POU2AF2: variants seen among roughly 807,000 people sequenced by gnomAD.
POU2AF2 encodes POU class 2 homeobox associating factor 2, also known as POU domain class 2-associating factor 2.
At chr11:111,270,702 G>A in the POU2AF2 span, among the ~76,000 whole-genome samples, 1 of 152,160 alleles carries the variant, frequency 6.6e-6, no homozygotes, top group African/African-American at 2.4e-5. Context: ...GGTATCAGCA[G>A]TAAGGTTGGT....
At chr11:111,257,999 T>C in the POU2AF2 span, among the ~76,000 whole-genome samples, 6,426 of 152,260 alleles carry the variant, frequency 0.042, 357 homozygotes, top group East Asian at 0.27. Flanking sequence ...ATGCCTGTAA[T>C]GTCAGCTACT....
At chr11:111,285,558 C>G in the POU2AF2 span, 2 of 1,380,970 alleles carry the variant, frequency 1.4e-6, no homozygotes, top group African/African-American at 3.0e-5. Context: ...AGAGAGGGGA[C>G]GAAGGCTGCC....
At chr11:111,252,622 A>T in the POU2AF2 span, among the ~76,000 whole-genome samples, 1 of 151,928 alleles carries the variant, frequency 6.6e-6, no homozygotes, top group East Asian at 2.0e-4. Context: ...CAGTCTCAGA[A>T]GTTGAGGGTC....
the POU2AF2 span, among the ~76,000 whole-genome samples, chr11:111,260,812 C>T: frequency 6.6e-6 from 1 of 152,214 alleles, no homozygotes; most frequent in African/African-American, 2.4e-5. Context: ...AAAACTAATA[C>T]TCACATATTC....
chr11:111,259,093 T>C, the POU2AF2 span, among the ~76,000 whole-genome samples: 4 of 152,168 alleles, frequency 2.6e-5, no homozygotes, highest in African/African-American at 9.7e-5. Flanking sequence ...CCAGGCAGCA[T>C]AGACATGTAA....
chr11:111,271,677 G>C, the POU2AF2 span, among the ~76,000 whole-genome samples: 1 of 152,280 alleles, frequency 6.6e-6, no homozygotes, highest in Middle Eastern at 3.4e-3. Context: ...CCCTGCCTCT[G>C]CTTCCCAAAA....
At chr11:111,250,917 C>A in the POU2AF2 span, among the ~76,000 whole-genome samples, 1 of 152,116 alleles carries the variant, frequency 6.6e-6, no homozygotes, top group Non-Finnish European at 1.5e-5. Flanking sequence ...GGAGATGAGT[C>A]TTAGGAGATG....
At chr11:111,282,415 C>G in the POU2AF2 span, among the ~76,000 whole-genome samples, 1 of 152,270 alleles carries the variant, frequency 6.6e-6, no homozygotes, top group South Asian at 2.1e-4. Flanking sequence ...AATGCATGAG[C>G]AGGTTAGAAG....
At chr11:111,261,787 A>C in the POU2AF2 span, among the ~76,000 whole-genome samples, 1 of 152,236 alleles carries the variant, frequency 6.6e-6, no homozygotes, top group Non-Finnish European at 1.5e-5. Context: ...CAGTAAGAAA[A>C]TAGACATGAA....
At chr11:111,283,643 G>C in the POU2AF2 span, among the ~76,000 whole-genome samples, 3 of 152,152 alleles carry the variant, frequency 2.0e-5, no homozygotes, top group African/African-American at 4.8e-5. Flanking sequence ...ACCTTATCCA[G>C]ACATAGCGAT....
the POU2AF2 span, among the ~76,000 whole-genome samples, chr11:111,262,003 C>T: frequency 2.2e-3 from 330 of 152,300 alleles, no homozygotes; most frequent in African/African-American, 7.7e-3. Context: ...GTGATTCTTG[C>T]ATGCCAATCT....
chr11:111,269,527 A>G, the POU2AF2 span, among the ~76,000 whole-genome samples: 1 of 152,152 alleles, frequency 6.6e-6, no homozygotes, highest in Non-Finnish European at 1.5e-5. Context: ...GGGTTTTTTT[A>G]ATGTCATAAA....
chr11:111,278,548 C>T, the POU2AF2 span, among the ~76,000 whole-genome samples: 1 of 119,456 alleles, frequency 8.4e-6, no homozygotes, highest in Non-Finnish European at 1.8e-5. Flanking sequence ...GAGATGATCT[C>T]TCTCTCTGTC....
the POU2AF2 span, among the ~76,000 whole-genome samples, chr11:111,266,332 C>T: frequency 1.3e-5 from 2 of 152,068 alleles, no homozygotes. Flanking sequence ...GTAGATTTTC[C>T]CAGACCTCAG....
chr11:111,266,960 C>A, the POU2AF2 span, among the ~76,000 whole-genome samples: 1 of 152,154 alleles, frequency 6.6e-6, no homozygotes, highest in African/African-American at 2.4e-5. Context: ...TCCTGCTCAG[C>A]TCTCATGTCA....
At chr11:111,254,517 AGAAGAGGT>A in the POU2AF2 span, among the ~76,000 whole-genome samples, 57 of 152,324 alleles carry the variant, frequency 3.7e-4, no homozygotes, top group African/African-American at 1.3e-3. Flanking sequence ...AAGACAGCTA[AGAAGAGGT>A]GATTATACCC....
the POU2AF2 span, among the ~76,000 whole-genome samples, chr11:111,251,926 G>T: frequency 0.043 from 6,511 of 152,236 alleles, 362 homozygotes; most frequent in East Asian, 0.27. Flanking sequence ...CTGGATATTT[G>T]CCATCTCATG....
chr11:111,284,179 C>T, the POU2AF2 span: 2,830 of 1,614,220 alleles, frequency 1.8e-3, 99 homozygotes, highest in East Asian at 0.052. Flanking sequence ...ACACCTCCAG[C>T]GTGGGGAAGC....
chr11:111,279,561 T>C, the POU2AF2 span, among the ~76,000 whole-genome samples: 1 of 152,204 alleles, frequency 6.6e-6, no homozygotes, highest in Non-Finnish European at 1.5e-5. Context: ...ACTGCTGCCT[T>C]TGTCTTCACA....
Sources: gnomAD v4.1 joint callset for allele counts (sites outside exome capture counted in the v4.1 genomes callset) on GRCh38, gnomAD v4.1.1 for gene constraint, MANE v1.5 for transcripts, NCBI Gene and HGNC (gene_info 2026-07-23, HGNC 2026-07-21) for gene names.